CHAF1B: variants seen among roughly 807,000 people sequenced by gnomAD.
The protein encoded by CHAF1B is CAF-1 subunit B.
In CHAF1B, 10 loss-of-function variants were observed where a neutral mutation model predicts 60.7. The ratio of observed to expected loss-of-function variants is 0.16; its 90% CI spans 0.10 to 0.28. The LOEUF is 0.28. Ranked by LOEUF, CHAF1B falls within the 10% of genes least tolerant of loss-of-function variation. The probability of loss-of-function intolerance (pLI) is 1.00; values close to 1 mark genes in which losing one functional copy is unlikely to be tolerated. For missense variants in CHAF1B, 558 were observed against 708.4 expected (o/e 0.79, Z 2.41); for synonymous variants, 261 against 266.1 (o/e 0.98, Z 0.19).
intron 5 of CHAF1B, 104 bp from the exon 6 acceptor site, chr21:36,397,311 T>C (rs980372627): frequency 1.5e-5 from 7 of 470,512 alleles, no homozygotes; most frequent in African/African-American, 1.2e-4. Flanking sequence ...TGCTGAGTGA[T>C]GCGTGGTAAA....
At position 36,397,529 on chromosome 21, in the gene CHAF1B, A is replaced by G. The variant is rs751794457; in HGVS notation, c.578+18A>G. ...TGTGACAGGTAAATTCAGCTTTGGC[A>G]TTTACTTGGAATTTCTTTGTATTTA... On this transcript the variant is annotated intron_variant, in intron 6 of 13. Transcript: ENST00000314103. The G allele has an allele frequency of 2.2e-6, 3 of 1,355,838 alleles. No individual in the cohort carries two copies. The highest frequency in any genetic ancestry group is 2.9e-5 in the South Asian group (2 of 68,488). The allele number at this position is 1,355,838 out of a possible 1,614,324, so 84.0% of individuals were successfully genotyped here.
intron 12 of CHAF1B, 63 bp from the exon 13 acceptor site, chr21:36,415,232 C>A: frequency 1.0e-6 from 1 of 1,001,726 alleles, no homozygotes; most frequent in Non-Finnish European, 1.6e-6. Flanking sequence ...TGGTATCATA[C>A]ATAAACAATT....
chr21:36,397,391 CGTGT>C lies in CHAF1B; in HGVS notation c.482-15_482-12del, dbSNP rs759875419. On this transcript the variant is annotated intron_variant, in intron 5 of 13. Transcript: ENST00000314103. Reference sequence around the variant, plus strand: ...AGGTTTTGGTAATGCTGTTTTGGTGCGTGTGTGTGTGTTTTTTTTGTAGGACAAA... The same window carrying C: ...AGGTTTTGGTAATGCTGTTTTGGTGCGTGTGTGTTTTTTTTGTAGGACAAA... The C allele has an allele frequency of 1.2e-5, 15 of 1,242,050 alleles. No homozygotes were observed. The East Asian group carries it at 2.4e-4, about 20-fold the overall frequency. 76.9% of individuals were successfully genotyped at this position (1,242,050 alleles called of 1,614,324 possible). A position where few individuals can be genotyped will look rare whatever the true frequency, so the allele number is the denominator to read the frequency against.
chr21:36,410,729 C>T (rs116661943), intron 10 of CHAF1B, among the ~76,000 whole-genome samples: 2,834 of 150,080 alleles, frequency 0.019, 85 homozygotes, highest in African/African-American at 0.066. Context: ...GGTATAATCT[C>T]GGCTCGTTGC....
chr21:36,415,224 G>T (rs1462775638), intron 12 of CHAF1B, 71 bp from the exon 13 acceptor site: 9 of 916,604 alleles, frequency 9.8e-6, no homozygotes, highest in Non-Finnish European at 1.6e-5. Flanking sequence ...TTGAAGGTTG[G>T]TATCATACAT....
chr21:36,401,282 GTA>G (rs1252977611), intron 7 of CHAF1B, among the ~76,000 whole-genome samples: 1 of 143,576 alleles, frequency 7.0e-6, no homozygotes, highest in African/African-American at 2.6e-5. Flanking sequence ...AAAAATATGT[GTA>G]TATATATGTT....
intron 4 of CHAF1B, 125 bp downstream of exon 4, chr21:36,391,793 C>A: frequency 3.3e-6 from 2 of 597,504 alleles, no homozygotes; most frequent in East Asian, 3.2e-5. Context: ...GGCTGGAGTG[C>A]TGTACTGTGA....
intron 13 of CHAF1B, 88 bp downstream of exon 13, chr21:36,415,477 A>T: frequency 1.1e-6 from 1 of 950,372 alleles, no homozygotes; most frequent in African/African-American, 1.6e-5. Context: ...CCTAATTTTA[A>T]GTCAGTTCTG....
intron 4 of CHAF1B, among the ~76,000 whole-genome samples, chr21:36,393,743 T>C (rs1279397874): frequency 6.6e-6 from 1 of 151,800 alleles, no homozygotes; most frequent in East Asian, 1.9e-4. Context: ...CGTGAGCCAC[T>C]GCGACCGGTC....
chr21:36,412,939 G>A lies in CHAF1B; in HGVS notation c.1117G>A (p.Val373Met). 1 of 1,614,202 alleles carries A rather than the reference G, an allele frequency of 6.2e-7. No homozygotes were observed. Among genetic ancestry groups the A allele is most frequent in the Non-Finnish European group, 8.5e-7 (1 of 1,180,044 alleles). ...TTCCACGGACGGTTACTGCTCATTT[G>A]TGACATTTGAGAAAGATGAACTTGG... ...ISSTDGYCSF[V>M]TFEKDELGIP... Residue 373 changes from valine to methionine, a missense_variant, in exon 12 of 14, where the codon GTG (valine) becomes ATG (methionine). By Grantham distance (21) the Val-to-Met change is conservative (BLOSUM62 1). Coordinates refer to ENST00000314103, the MANE Select transcript of CHAF1B (RefSeq NM_005441.3).
chr21:36,398,675 C>T (rs950625453), intron 6 of CHAF1B, among the ~76,000 whole-genome samples: 5 of 152,094 alleles, frequency 3.3e-5, no homozygotes, highest in Non-Finnish European at 7.4e-5. Context: ...ATTTTAATGA[C>T]TCCATTTAAA....
intron 4 of CHAF1B, among the ~76,000 whole-genome samples, chr21:36,392,277 G>T (rs571125146): frequency 1.3e-5 from 2 of 152,264 alleles, no homozygotes; most frequent in Admixed American, 6.5e-5. Flanking sequence ...CAAGGCAGAA[G>T]AATTTTTCTT....
At chr21:36,397,693 T>C in intron 6 of CHAF1B, 182 bp downstream of exon 6, 1 of 368,366 alleles carries the variant, frequency 2.7e-6, no homozygotes, top group Non-Finnish European at 4.9e-6. Flanking sequence ...GACAAGTGCC[T>C]TACACGAAGT....
chr21:36,395,768 C>G (rs1009950027), intron 5 of CHAF1B, among the ~76,000 whole-genome samples: 1 of 152,134 alleles, frequency 6.6e-6, no homozygotes, highest in African/African-American at 2.4e-5. Flanking sequence ...GCAAGTATGG[C>G]TAACTCCTAA....
At chr21:36,403,445 A>T (rs1428352190) in intron 8 of CHAF1B, among the ~76,000 whole-genome samples, 1 of 126,154 alleles carries the variant, frequency 7.9e-6, no homozygotes, top group Non-Finnish European at 1.6e-5. Context: ...CGACAGAGTG[A>T]TATCTTATCT....
At chr21:36,411,922 T>C (rs2086281108) in intron 11 of CHAF1B, among the ~76,000 whole-genome samples, 1 of 152,062 alleles carries the variant, frequency 6.6e-6, no homozygotes, top group African/African-American at 2.4e-5. Flanking sequence ...AGAGATGGGG[T>C]TTCGCCCTGT....
At chr21:36,394,475 G>A in intron 4 of CHAF1B, 72 bp from the exon 5 acceptor site, 1 of 1,070,884 alleles carries the variant, frequency 9.3e-7, no homozygotes, top group Non-Finnish European at 1.4e-6. Context: ...CTCCCAAAGT[G>A]CTGGGATTAC....
At position 36,407,842 on chromosome 21, in the gene CHAF1B, G is replaced by T. The variant is rs988578193; in HGVS notation, c.758-919G>T. ...AAAATACAAAAATTAGCCGGGCATCGTGGCAGGTGCCTGTAATCCCGGCTA... is the reference window on the plus strand; with the variant it reads ...AAAATACAAAAATTAGCCGGGCATCTTGGCAGGTGCCTGTAATCCCGGCTA... On this transcript the variant is annotated intron_variant, in intron 8 of 13. Coordinates refer to ENST00000314103, the MANE Select transcript of CHAF1B (RefSeq NM_005441.3). Among the ~76,000 whole-genome samples, 9 of 152,154 alleles carry T rather than the reference G, an allele frequency of 5.9e-5. No homozygotes were observed. In the South Asian group the frequency reaches 6.2e-4, roughly 11 times the overall value.
At chr21:36,385,688 G>A (rs1332498321) in intron 1 of CHAF1B, among the ~76,000 whole-genome samples, 1 of 151,674 alleles carries the variant, frequency 6.6e-6, no homozygotes, top group Non-Finnish European at 1.5e-5. Context: ...CTCTCGCCCC[G>A]CCGCCCCGGT....
Sources: gnomAD v4.1 joint callset for allele counts (sites outside exome capture counted in the v4.1 genomes callset) on GRCh38, gnomAD v4.1.1 for gene constraint, MANE v1.5 for transcripts, NCBI Gene and HGNC (gene_info 2026-07-23, HGNC 2026-07-21) for gene names.